CGNL1: variants seen among roughly 807,000 people sequenced by gnomAD.
CGNL1 encodes the protein cingulin like 1, also known as cingulin-like protein 1.
A neutral mutation model predicts 141.2 loss-of-function variants in CGNL1; 132 were observed. That is an observed-to-expected ratio of 0.93 (90% CI 0.81 to 1.08). The LOEUF (loss-of-function observed/expected upper bound fraction) is 1.08, where lower values mean the gene tolerates loss of function less well. Ranked by LOEUF, CGNL1 falls within the 50% of genes least tolerant of loss-of-function variation. CGNL1 has a pLI of 0.00. For missense variants in CGNL1, 1,870 were observed against 1,588.6 expected, an observed-to-expected ratio of 1.18 and a Z score of -3.01; for synonymous variants, 690 against 622.1, an observed-to-expected ratio of 1.11 and a Z score of -1.63.
In CGNL1 at chr15:57,438,262, C is replaced by T. The variant is rs2063132640; in HGVS notation, c.263C>T (p.Ser88Phe). The change falls in exon 2 of 19, where the codon TCC becomes TTC. Residue 88 changes from serine to phenylalanine, a missense_variant. Physicochemically the swap from Ser to Phe is radical, Grantham distance 155. Coordinates refer to ENST00000281282, the MANE Select transcript of CGNL1 (RefSeq NM_032866.5). The stretch of plus-strand genomic sequence containing the variant: ...GTGATAAATAACCTGCCTCTACATT[C>T]CAGCAATGGTTCTGTGCCAAAGGAG... Reference protein sequence around the residue: ...PPVINNLPLHSSNGSVPKENS... With the variant: ...PPVINNLPLHFSNGSVPKENS... The T allele has an allele frequency of 1.2e-6, 2 of 1,614,174 alleles. No individual in the cohort carries two copies. The highest frequency in any genetic ancestry group is 4.5e-5 in the East Asian group (2 of 44,874).
Position 57,485,933 on chromosome 15 carries a change from C to T in CGNL1, c.2403+24041C>T, listed in dbSNP as rs1460967652. On this transcript the variant is annotated intron_variant, in intron 8 of 18. Coordinates refer to ENST00000281282, the MANE Select transcript of CGNL1 (RefSeq NM_032866.5). The stretch of plus-strand genomic sequence containing the variant: ...TGGTGCCCAGTCTCACTAACCTCTC[C>T]TAATAGTCTAGCATTGGCCCCTAGA... Among the ~76,000 whole-genome samples, 3 of 152,154 alleles carry T rather than the reference C, an allele frequency of 2.0e-5. No individual in the cohort carries two copies. In the East Asian group the frequency reaches 5.8e-4, roughly 29 times the overall value.
intron 1 of CGNL1, among the ~76,000 whole-genome samples, chr15:57,400,673 G>A (rs898045043): frequency 5.3e-5 from 8 of 151,840 alleles, no homozygotes; most frequent in South Asian, 2.1e-4. Flanking sequence ...ATCTGAGGTC[G>A]GGAGTTGGAG....
rs61745352 is a variant in CGNL1 at position 57,439,105 on chromosome 15, G to A, written c.1106G>A (p.Arg369Lys). The A allele has an allele frequency of 4.9e-4, 795 of 1,614,216 alleles. 1 individual carries two copies. Among genetic ancestry groups the A allele is most frequent in the Non-Finnish European group, 6.4e-4 (760 of 1,180,036 alleles). The change falls in exon 2 of 19, where the codon AGA becomes AAA. Residue 369 changes from arginine to lysine, a missense_variant. Coordinates refer to ENST00000281282, the MANE Select transcript of CGNL1 (RefSeq NM_032866.5). Reference protein sequence around the residue: ...KFDQKPGLQRRGRSGKRNRIN... With the variant: ...KFDQKPGLQRKGRSGKRNRIN... ...GATCAAAAACCTGGGCTTCAGAGAAGAGGAAGGTCTGGGAAGCGAAACAGA... is the reference window on the plus strand; with the variant it reads ...GATCAAAAACCTGGGCTTCAGAGAAAAGGAAGGTCTGGGAAGCGAAACAGA...
intron 1 of CGNL1, among the ~76,000 whole-genome samples, chr15:57,377,405 T>C (rs1163760020): frequency 6.6e-6 from 1 of 152,146 alleles, no homozygotes; most frequent in Non-Finnish European, 1.5e-5. Context: ...TGGATTCGGC[T>C]TGCCTGGGTT....
intron 14 of CGNL1, among the ~76,000 whole-genome samples, chr15:57,540,667 C>A (rs958843551): frequency 2.6e-5 from 4 of 152,184 alleles, no homozygotes; most frequent in Non-Finnish European, 5.9e-5. Context: ...TCTGGGCAGT[C>A]ACCCAGTGCA....
At chr15:57,513,032 C>T (rs1438179087) in intron 8 of CGNL1, among the ~76,000 whole-genome samples, 1 of 151,752 alleles carries the variant, frequency 6.6e-6, no homozygotes, top group Non-Finnish European at 1.5e-5. Context: ...TTGTACAGTT[C>T]AGTGGTTTTA....
intron 1 of CGNL1, among the ~76,000 whole-genome samples, chr15:57,415,964 T>A (rs2062843916): frequency 6.6e-6 from 1 of 152,186 alleles, no homozygotes; most frequent in African/African-American, 2.4e-5. Context: ...GGCCGTGGGA[T>A]CCCTGCTCTG....
Position 57,439,328 on chromosome 15 carries a change from C to T in CGNL1, c.1329C>T (p.Thr443=). 6.2e-7 allele frequency: 1 copy of T among 1,614,136 alleles called. No individual in the cohort carries two copies. Among genetic ancestry groups the T allele is most frequent in the African/African-American group, 1.3e-5 (1 of 75,060 alleles). Residue 443 remains threonine, a synonymous_variant, in exon 2 of 19, where the codon ACC becomes ACT. Transcript: ENST00000281282. ...ERRGKQSVGR[T]FAKLQGAAHG... ...GTGGGAAACAGAGCGTGGGCCGCAC[C>T]TTTGCAAAGCTGCAGGGAGCAGCGC...
At chr15:57,415,100 A>ATT (rs2062834303) in intron 1 of CGNL1, among the ~76,000 whole-genome samples, 1 of 152,182 alleles carries the variant, frequency 6.6e-6, no homozygotes, top group African/African-American at 2.4e-5. Flanking sequence ...CTGAGATCAA[A>ATT]TACATCTCCT....
intron 1 of CGNL1, among the ~76,000 whole-genome samples, chr15:57,428,496 A>G (rs1042827362): frequency 1.3e-5 from 2 of 152,150 alleles, no homozygotes; most frequent in South Asian, 4.1e-4. Flanking sequence ...TGTCTGACTC[A>G]GAATCAGTAG....
chr15:57,516,966 G>C lies in CGNL1; in HGVS notation c.2590G>C (p.Glu864Gln). ...DLKGDEAKAK[E>Q]TLKKYEGEIR... is the part of the protein sequence containing the mutation. ...GAAAGGCGATGAAGCCAAGGCGAAG[G>C]AAACGCTGAAGAAGTACGAGGTGAG... The change falls in exon 9 of 19, where the codon GAA (glutamate) becomes CAA (glutamine). Residue 864 changes from glutamate (E) to glutamine (Q), a missense_variant. Coordinates refer to ENST00000281282, the MANE Select transcript of CGNL1 (RefSeq NM_032866.5). The C allele has an allele frequency of 6.2e-7, 1 of 1,613,366 alleles. No homozygotes were observed.
Position 57,518,443 on chromosome 15 carries a change from A to T in CGNL1, c.2661A>T (p.Glu887Asp), listed in dbSNP as rs1595789263. The change falls in exon 10 of 19, where the codon GAA (glutamate) becomes GAT (aspartate). Residue 887 changes from glutamate (E) to aspartate (D), a missense_variant. Glu to Asp is a conservative substitution (Grantham distance 45). Coordinates refer to ENST00000281282, the MANE Select transcript of CGNL1 (RefSeq NM_032866.5). ...CCCTTGTGCACGCCAGAAAGGAAGA[A>T]AAAGAAGCTGTGTCAGCCAGAAGGG... Reference protein sequence around the residue: ...EEALVHARKEEKEAVSARRAL... With the variant: ...EEALVHARKEDKEAVSARRAL... 4 of 1,613,374 alleles carry T rather than the reference A, an allele frequency of 2.5e-6. No homozygotes were observed. The East Asian group carries it at 8.9e-5, about 36-fold the overall frequency.
intron 8 of CGNL1, among the ~76,000 whole-genome samples, chr15:57,485,789 G>C (rs1230222273): frequency 1.3e-5 from 2 of 152,176 alleles, no homozygotes; most frequent in Non-Finnish European, 2.9e-5. Context: ...CAATACATTT[G>C]GAGGATCTTT....
chr15:57,536,663 C>G (rs1183331466), intron 14 of CGNL1, among the ~76,000 whole-genome samples: 1 of 152,118 alleles, frequency 6.6e-6, no homozygotes, highest in Non-Finnish European at 1.5e-5. Context: ...TTTTCCTTTC[C>G]GTCCTCCAAA....
chr15:57,452,236 A>G lies in CGNL1; in HGVS notation c.2001A>G (p.Thr667=), dbSNP rs1442214089. The G allele has an allele frequency of 2.5e-6, 4 of 1,614,014 alleles. No homozygotes were observed. The highest frequency in any genetic ancestry group is 2.2e-5 in the East Asian group (1 of 44,860). The change falls in exon 6 of 19, where the codon ACA becomes ACG. Residue 667 remains threonine (T), a synonymous_variant. Coordinates refer to ENST00000281282, the MANE Select transcript of CGNL1 (RefSeq NM_032866.5). Reference sequence around the variant, plus strand: ...ACGAAAAGGTGGAGGAGAACTCCACATTGCAGCAACGACTGGAAGAAAGTG... The same window carrying G: ...ACGAAAAGGTGGAGGAGAACTCCACGTTGCAGCAACGACTGGAAGAAAGTG... ...QHNEKVEENS[T]LQQRLEESEG...
At chr15:57,391,360 C>A (rs537313281) in intron 1 of CGNL1, among the ~76,000 whole-genome samples, 1 of 152,318 alleles carries the variant, frequency 6.6e-6, no homozygotes, top group South Asian at 2.1e-4. Flanking sequence ...GCTGTTACTG[C>A]TTTGCAATGG....
intron 1 of CGNL1, among the ~76,000 whole-genome samples, chr15:57,401,143 A>G (rs1444485775): frequency 4.6e-5 from 7 of 151,962 alleles, no homozygotes; most frequent in Admixed American, 2.6e-4. Context: ...GTGTATATAA[A>G]TTTTTGTTGG....
At chr15:57,415,323 A>G (rs1264411327) in intron 1 of CGNL1, among the ~76,000 whole-genome samples, 1 of 152,164 alleles carries the variant, frequency 6.6e-6, no homozygotes. Flanking sequence ...ATTATTTAGG[A>G]TAATCACAAG....
At chr15:57,450,805 AT>A (rs1595717210) in intron 4 of CGNL1, among the ~76,000 whole-genome samples, 2 of 152,234 alleles carry the variant, frequency 1.3e-5, no homozygotes, top group East Asian at 3.9e-4. Flanking sequence ...GGGAGGGTAA[AT>A]CTGATATTTG....
Sources: gnomAD v4.1 joint callset for allele counts (sites outside exome capture counted in the v4.1 genomes callset) on GRCh38, gnomAD v4.1.1 for gene constraint, MANE v1.5 for transcripts, NCBI Gene and HGNC (gene_info 2026-07-23, HGNC 2026-07-21) for gene names.